The following SNX31 variants were observed in gnomAD, a reference collection of about 807,000 sequenced individuals.
The protein encoded by SNX31 is sorting nexin-31.
SNX31 carries 58 observed loss-of-function variants against 65.4 expected under a neutral mutation model. The ratio of observed to expected loss-of-function variants is 0.89; its 90% CI spans 0.72 to 1.10. The LOEUF is 1.10. Ranked by LOEUF, SNX31 falls within the 50% of genes least tolerant of loss-of-function variation. The probability of loss-of-function intolerance (pLI) is 0.00; values close to 1 mark genes in which losing one functional copy is unlikely to be tolerated. For missense variants in SNX31, 523 were observed against 529.7 expected (o/e 0.99, Z 0.12); for synonymous variants, 181 against 190.1 (o/e 0.95, Z 0.39).
chr8:100,629,168 T>C lies in SNX31; in HGVS notation c.321+1159A>G, dbSNP rs1334195404. On this transcript the variant is annotated intron_variant, in intron 4 of 13. Transcript: ENST00000311812. This position sits in a 1 kb window ranked among gnomAD's most constrained non-coding sequence, Gnocchi z 5.1. ...GTGCATGTATGTGTATATATATGTG[T>C]GCATGTACATATATATGTATATATA... is the stretch of plus-strand genomic sequence containing the variant. 2.6e-5 allele frequency among the ~76,000 whole-genome samples: 4 copies of C among 152,176 alleles called. No homozygotes were observed. The highest frequency in any genetic ancestry group is 7.2e-5 in the African/African-American group (3 of 41,442).
chr8:100,618,360 A>C, intron 4 of SNX31: 1 of 1,533,742 alleles, frequency 6.5e-7, no homozygotes, highest in Non-Finnish European at 8.7e-7. Flanking sequence ...AGCATCCCTA[A>C]AGCCCATATC....
upstream of SNX31, among the ~76,000 whole-genome samples, chr8:100,653,734 A>AC (rs11398549): frequency 0.021 from 3,245 of 152,324 alleles, 53 homozygotes; most frequent in African/African-American, 0.043. Context: ...CCATAAGGAA[A>AC]ACCTACACTG....
chr8:100,641,650 ATATATATATG>A (rs1216754541), intron 2 of SNX31, among the ~76,000 whole-genome samples: 48 of 51,272 alleles, frequency 9.4e-4, no homozygotes, highest in Admixed American at 2.0e-3. Context: ...ATATATATAT[ATATATATATG>A]TATGGTACTT....
chr8:100,620,715 G>A (rs2131109847), intron 4 of SNX31, among the ~76,000 whole-genome samples: 1 of 152,266 alleles, frequency 6.6e-6, no homozygotes. Context: ...ACATATAGCA[G>A]CTCACTTAAT....
intron 1 of SNX31, among the ~76,000 whole-genome samples, chr8:100,658,225 G>T (rs1314066120): frequency 6.6e-6 from 1 of 152,174 alleles, no homozygotes; most frequent in African/African-American, 2.4e-5. Flanking sequence ...GATTCTAAAG[G>T]CTGCAATTTT....
At chr8:100,597,479 G>A (rs1230084586) in intron 9 of SNX31, among the ~76,000 whole-genome samples, 1 of 152,296 alleles carries the variant, frequency 6.6e-6, no homozygotes, top group African/African-American at 2.4e-5. Flanking sequence ...CGACCTTGTC[G>A]TGATCCACCT....
At chr8:100,582,837 G>T (rs1253594696) in intron 12 of SNX31, among the ~76,000 whole-genome samples, 1 of 151,342 alleles carries the variant, frequency 6.6e-6, no homozygotes, top group Non-Finnish European at 1.5e-5. Flanking sequence ...CAAAAAATCA[G>T]CCGGGCGTGG....
upstream of SNX31, among the ~76,000 whole-genome samples, chr8:100,653,820 T>A (rs949779920): frequency 6.6e-6 from 1 of 152,172 alleles, no homozygotes; most frequent in African/African-American, 2.4e-5. Context: ...CTGTGGAGAA[T>A]GGAACAGAGG....
Position 100,573,850 on chromosome 8 carries a change from A to G in SNX31, c.*15T>C, listed in dbSNP as rs745518848. On this transcript the variant is annotated 3_prime_UTR_variant, in exon 14 of 14. Coordinates refer to ENST00000311812, the MANE Select transcript of SNX31 (RefSeq NM_152628.4). ...AGATAGCCTCCAAGGATATTTTAAA[A>G]TATGAGAGCTTTCTTCAGAGATCTT... The G allele has an allele frequency of 6.5e-7, 1 of 1,537,386 alleles. No individual in the cohort carries two copies. The highest frequency in any genetic ancestry group is 2.3e-5 in the East Asian group (1 of 43,778).
chr8:100,642,725 C>A (rs997271590), intron 2 of SNX31, among the ~76,000 whole-genome samples: 1 of 152,198 alleles, frequency 6.6e-6, no homozygotes, highest in Non-Finnish European at 1.5e-5. Context: ...AAACCACCAG[C>A]GTACTGAGAA....
chr8:100,573,995 GA>G, intron 13 of SNX31, 35 bp from the exon 14 acceptor site: 1 of 1,235,870 alleles, frequency 8.1e-7, no homozygotes, highest in Non-Finnish European at 1.1e-6. Context: ...AAATGTAAAT[GA>G]AAGGAAATCA....
intron 9 of SNX31, among the ~76,000 whole-genome samples, chr8:100,597,388 C>T (rs1274041096): frequency 3.3e-5 from 5 of 152,072 alleles, no homozygotes; most frequent in East Asian, 3.9e-4. Context: ...ATTACAGGCA[C>T]GTGCCACCAC....
At chr8:100,605,924 C>G (rs1816112878) in intron 8 of SNX31, among the ~76,000 whole-genome samples, 1 of 152,066 alleles carries the variant, frequency 6.6e-6, no homozygotes, top group Non-Finnish European at 1.5e-5. Context: ...TGGTATCAAA[C>G]CAGACACAGC....
intron 1 of SNX31, among the ~76,000 whole-genome samples, chr8:100,659,944 T>C (rs1039639314): frequency 3.3e-5 from 5 of 152,176 alleles, no homozygotes; most frequent in Non-Finnish European, 1.5e-5. Context: ...AACTCTTTGA[T>C]CTACTGACAC....
chr8:100,593,898 T>C (rs1814818248), intron 10 of SNX31, among the ~76,000 whole-genome samples: 1 of 151,196 alleles, frequency 6.6e-6, no homozygotes, highest in African/African-American at 2.4e-5. Context: ...TATCAAAGAG[T>C]TCTTGGACTT....
At chr8:100,663,507 G>A (rs909005652), upstream of SNX31, 24 of 152,092 alleles carry the variant, frequency 1.6e-4, no homozygotes, top group South Asian at 8.3e-4. Context: ...TTAAGACGGC[G>A]ATGTCCCCCA....
chr8:100,655,683 C>A (rs1247708225), intron 1 of SNX31, among the ~76,000 whole-genome samples: 1 of 152,116 alleles, frequency 6.6e-6, no homozygotes, highest in Non-Finnish European at 1.5e-5. Context: ...TCTTTATCAG[C>A]AGGAGTTTGT....
rs1819804156 is a variant in SNX31, at chr8:100,648,541, T to C, written c.141+733A>G. ...ACAAAAAAACAAAAATCACTATTCA[T>C]GGGGGAGTGGAGGAGGAGTGTAAAG... On this transcript the variant is annotated intron_variant, in intron 2 of 13. Transcript: ENST00000311812. This position sits in a 1 kb window ranked among gnomAD's most constrained non-coding sequence, Gnocchi z 4.3. 6.6e-6 allele frequency among the ~76,000 whole-genome samples: 1 copy of C among 152,152 alleles called. No individual in the cohort carries two copies. Among genetic ancestry groups the C allele is most frequent in the Non-Finnish European group, 1.5e-5 (1 of 68,012 alleles).
intron 10 of SNX31, 38 bp from the exon 11 acceptor site, chr8:100,589,017 A>C (rs1325689121): frequency 1.3e-6 from 2 of 1,529,678 alleles, no homozygotes; most frequent in Non-Finnish European, 1.8e-6. Flanking sequence ...TGTAAATTTA[A>C]ATGCCTATTA....
Sources: allele counts gnomAD v4.1 joint callset (sites outside exome capture counted in the v4.1 genomes callset), GRCh38; gene constraint gnomAD v4.1.1; non-coding constraint Gnocchi (gnomAD v3.1); transcripts MANE v1.5; gene names NCBI Gene and HGNC (gene_info 2026-07-23, HGNC 2026-07-21).